The following PPP4R2 variants were observed in gnomAD, a reference collection of about 807,000 sequenced individuals.
PPP4R2 encodes the protein serine/threonine-protein phosphatase 4 regulatory subunit 2.
Under a neutral mutation model 47.2 loss-of-function variants are expected in PPP4R2, and 13 were observed. The observed-to-expected ratio is 0.28, with a 90% CI of 0.18 to 0.44. The LOEUF is 0.44. Ranked by LOEUF, PPP4R2 falls within the 20% of genes least tolerant of loss-of-function variation. PPP4R2 has a pLI of 1.00. For synonymous variants in PPP4R2, 151 were observed against 163.3 expected (o/e 0.92, Z 0.57); for missense variants, 421 against 491.2 (o/e 0.86, Z 1.35).
intron 2 of PPP4R2, among the ~76,000 whole-genome samples, chr3:73,019,302 C>T (rs1701912358): frequency 6.6e-6 from 1 of 152,108 alleles, no homozygotes; most frequent in Admixed American, 6.5e-5. Context: ...AACATACCCT[C>T]GTCATTAAAA....
At chr3:73,028,589 C>T (rs542057481) in intron 2 of PPP4R2, among the ~76,000 whole-genome samples, 78 of 151,914 alleles carry the variant, frequency 5.1e-4, no homozygotes, top group Middle Eastern at 3.4e-3. Flanking sequence ...TACAGATGCG[C>T]GCCACCATGC....
chr3:73,005,848 C>CAAAAAAAAAAAA (rs1701599570), intron 2 of PPP4R2, among the ~76,000 whole-genome samples: 1 of 76,536 alleles, frequency 1.3e-5, no homozygotes, highest in Non-Finnish European at 2.8e-5. Context: ...AAAAAAAAAT[C>CAAAAAAAAAAAA]AGTGTTATTG....
chr3:73,038,560 T>G (rs895636049), intron 2 of PPP4R2, among the ~76,000 whole-genome samples: 18 of 152,126 alleles, frequency 1.2e-4, no homozygotes, highest in Admixed American at 6.6e-4. Flanking sequence ...CAAGCCTGGC[T>G]AATTTTTGTA....
At chr3:73,004,315 A>G (rs1166359769) in intron 2 of PPP4R2, among the ~76,000 whole-genome samples, 1 of 151,878 alleles carries the variant, frequency 6.6e-6, no homozygotes, top group African/African-American at 2.4e-5. Context: ...AGCTGGAATT[A>G]TAGGCATGAG....
chr3:73,012,654 G>A (rs539928866), intron 2 of PPP4R2, among the ~76,000 whole-genome samples: 1 of 152,282 alleles, frequency 6.6e-6, no homozygotes, highest in East Asian at 1.9e-4. Flanking sequence ...TGTGGAACTC[G>A]TAGATACAGA....
chr3:73,059,936 GAAA>G (rs11300271), intron 4 of PPP4R2, among the ~76,000 whole-genome samples: 3 of 118,276 alleles, frequency 2.5e-5, no homozygotes, highest in Non-Finnish European at 3.6e-5. Context: ...CTCTGTCTCA[GAAA>G]AAAAAAAAAA....
rs550926116 is a variant in PPP4R2, at chr3:73,017,345, A to T, written c.116+19187A>T. On this transcript the variant is annotated intron_variant, in intron 2 of 8. Transcript: ENST00000356692. ...ATACCTAACCTTTAGTTTCCCATAA[A>T]TTCTGCCTGTTGTAGCCTGGAAGCT... Among the ~76,000 whole-genome samples, 38 of 110,420 alleles carry T rather than the reference A, an allele frequency of 3.4e-4. No homozygotes were observed. The South Asian group carries it at 0.012, about 35-fold the overall frequency. 72.4% of individuals were successfully genotyped at this position (110,420 alleles called of 152,430 possible).
intron 2 of PPP4R2, chr3:73,015,743 T>C (rs1701816705): frequency 2.3e-6 from 1 of 430,208 alleles, no homozygotes; most frequent in Non-Finnish European, 4.7e-6. Context: ...GTTCATGCCA[T>C]TGTCCTGCCT....
In PPP4R2 at chr3:73,068,827, A is replaced by C. The variant is rs1559574915; in HGVS notation, c.*3105A>C. ...AATGTTTGATTATGAAAAAAATGTA[A>C]CATGGTAAGGATGAAAATGCAACTT... On this transcript the variant is annotated 3_prime_UTR_variant, in exon 9 of 9. Transcript: ENST00000356692. 6.6e-6 allele frequency: 1 copy of C among 152,274 alleles called. No individual in the cohort carries two copies. The highest frequency in any genetic ancestry group is 1.5e-5 in the Non-Finnish European group (1 of 68,044). 9.4% of individuals were successfully genotyped at this position (152,274 alleles called of 1,614,324 possible). A position where few individuals can be genotyped will look rare whatever the true frequency, so the allele number is the denominator to read the frequency against.
At chr3:73,055,543 C>G (rs902337456) in intron 3 of PPP4R2, among the ~76,000 whole-genome samples, 3 of 151,296 alleles carry the variant, frequency 2.0e-5, no homozygotes, top group African/African-American at 7.3e-5. Context: ...GTTGTAGGCA[C>G]TGTTTTAAAA....
rs1363001702 is a variant in PPP4R2, at chr3:73,036,260, G to A, written c.117-10926G>A. 2.0e-5 allele frequency among the ~76,000 whole-genome samples: 3 copies of A among 152,264 alleles called. No homozygotes were observed. In the East Asian group the frequency reaches 5.8e-4, roughly 29 times the overall value. ...AGAGGCTGAGAAGGGTGGGGGGCCA[G>A]GAATGAATAGAAATTGGTTACTGGG... On this transcript the variant is annotated intron_variant, in intron 2 of 8. Transcript: ENST00000356692.
intron 2 of PPP4R2, among the ~76,000 whole-genome samples, chr3:73,003,248 G>A (rs139654562): frequency 0.015 from 2,185 of 146,830 alleles, 56 homozygotes; most frequent in African/African-American, 0.053. Flanking sequence ...GTCTCACTCT[G>A]TTGCCCAGGC....
At chr3:72,999,663 G>C (rs960548082) in intron 2 of PPP4R2, among the ~76,000 whole-genome samples, 1 of 152,108 alleles carries the variant, frequency 6.6e-6, no homozygotes, top group African/African-American at 2.4e-5. Flanking sequence ...TTAATATCCT[G>C]TCTTACTGGA....
intron 2 of PPP4R2, among the ~76,000 whole-genome samples, chr3:73,008,001 A>G (rs1210651336): frequency 6.6e-6 from 1 of 151,866 alleles, no homozygotes; most frequent in Non-Finnish European, 1.5e-5. Flanking sequence ...TGGAAAGACT[A>G]TTACAGATAA....
At chr3:73,062,829 G>A in intron 5 of PPP4R2, 1 of 1,613,848 alleles carries the variant, frequency 6.2e-7, no homozygotes, top group South Asian at 1.1e-5. Flanking sequence ...ACCATGGGTT[G>A]GAGAATTAAT....
At chr3:73,062,820 C>A (rs766687149) in intron 5 of PPP4R2, 6 of 1,613,792 alleles carry the variant, frequency 3.7e-6, no homozygotes, top group African/African-American at 1.3e-5. Context: ...CAGCTCAAGA[C>A]CATGGGTTGG....
At chr3:73,052,870 T>A (rs1303859594) in intron 3 of PPP4R2, among the ~76,000 whole-genome samples, 1 of 152,256 alleles carries the variant, frequency 6.6e-6, no homozygotes, top group African/African-American at 2.4e-5. Context: ...TTATATCATC[T>A]GTTAAGCAGG....
chr3:73,060,593 TGAGTCTC>T (rs3830338), intron 4 of PPP4R2, among the ~76,000 whole-genome samples: 67,568 of 151,458 alleles, frequency 0.45, 15,230 homozygotes, highest in South Asian at 0.56. Context: ...AAAAAAGGTT[TGAGTCTC>T]TTTCTGTGGG....
At chr3:73,054,165 G>A (rs1224341689) in intron 3 of PPP4R2, among the ~76,000 whole-genome samples, 8 of 152,102 alleles carry the variant, frequency 5.3e-5, no homozygotes, top group Admixed American at 1.3e-4. Context: ...TGATCCACCC[G>A]CCTCGGTCCC....
Sources: allele counts gnomAD v4.1 joint callset (sites outside exome capture counted in the v4.1 genomes callset), GRCh38; gene constraint gnomAD v4.1.1; transcripts MANE v1.5; gene names NCBI Gene and HGNC (gene_info 2026-07-23, HGNC 2026-07-21).